Variants in ZC3H13 observed in about 807,000 individuals in gnomAD.
ZC3H13 encodes the protein zinc finger CCCH-type containing 13.
ZC3H13 carries 64 observed loss-of-function variants against 204.1 expected under a neutral mutation model. The observed-to-expected ratio is 0.31, with a 90% CI of 0.26 to 0.39. The LOEUF (loss-of-function observed/expected upper bound fraction) is 0.39. Ranked by LOEUF, ZC3H13 falls within the 10% of genes least tolerant of loss-of-function variation. The pLI is 1.00. For synonymous variants in ZC3H13, 667 were observed against 693.7 expected (o/e 0.96, Z 0.60); for missense variants, 1,833 against 2,082.7 (o/e 0.88, Z 2.33).
At chr13:45,974,068 G>T (rs932329283) in intron 12 of ZC3H13, among the ~76,000 whole-genome samples, 1 of 152,204 alleles carries the variant, frequency 6.6e-6, no homozygotes, top group Admixed American at 6.5e-5. Context: ...ATGAGTTGGA[G>T]GTAAGAGCAA....
intron 1 of ZC3H13, among the ~76,000 whole-genome samples, 153 bp downstream of exon 1, chr13:46,052,250 AG>A (rs1285184362): frequency 6.7e-6 from 1 of 150,220 alleles, no homozygotes; most frequent in South Asian, 2.1e-4. Context: ...GCCTGAGCAC[AG>A]GGGGCTATTG....
At chr13:46,043,790 A>T (rs1253145682) in intron 3 of ZC3H13, among the ~76,000 whole-genome samples, 2 of 152,090 alleles carry the variant, frequency 1.3e-5, no homozygotes, top group East Asian at 3.9e-4. Context: ...ATTTTAGACA[A>T]ATTTCTCTGA....
chr13:46,039,734 T>C (rs1000290231), intron 4 of ZC3H13, among the ~76,000 whole-genome samples: 4 of 152,222 alleles, frequency 2.6e-5, no homozygotes, highest in Non-Finnish European at 5.9e-5. Context: ...TACTCAGAAC[T>C]CATAGTAAAT....
rs1310570699 is a variant in ZC3H13, at chr13:45,957,054, C to T, written c.*73G>A. 1 of 1,257,244 alleles carries T rather than the reference C, an allele frequency of 8.0e-7. No homozygotes were observed. The highest frequency in any genetic ancestry group is 1.5e-5 in the African/African-American group (1 of 64,992). The allele number at this position is 1,257,244 out of a possible 1,614,324, so 77.9% of individuals were successfully genotyped here. A position where few individuals can be genotyped will look rare whatever the true frequency, so the allele number is the denominator to read the frequency against. ...GCCTTTGTCACTAATGCTTGTCAAA[C>T]CAAAGAACTTTGCAAAAGAATATGC... On this transcript the variant is annotated 3_prime_UTR_variant, in exon 19 of 19. Transcript: ENST00000679008.
intron 7 of ZC3H13, 141 bp downstream of exon 7, chr13:46,010,207 C>G: frequency 2.4e-6 from 2 of 834,082 alleles, no homozygotes; most frequent in Non-Finnish European, 3.3e-6. Flanking sequence ...TTAATTGAAA[C>G]ATTTCAAATT....
At position 45,963,905 on chromosome 13, in the gene ZC3H13, C is replaced by A; in HGVS notation, c.4612G>T (p.Ala1538Ser). The A allele has an allele frequency of 1.2e-5, 19 of 1,614,086 alleles. No homozygotes were observed. The highest frequency in any genetic ancestry group is 1.6e-5 in the Non-Finnish European group (19 of 1,180,002). Residue 1538 changes from alanine to serine, a missense_variant, in exon 17 of 19, where the codon GCA becomes TCA. This residue lies in a region of ZC3H13 where 211 missense variants were observed against 228.4 expected (regional missense o/e 0.92). Coordinates refer to ENST00000679008, the MANE Select transcript of ZC3H13 (RefSeq NM_001330564.2). Reference protein sequence around the residue: ...MLRVGISKKLAGSELFAKVKE... With the variant: ...MLRVGISKKLSGSELFAKVKE... ...ACTTTGGCAAAGAGTTCAGAACCTGCCAACTTTTTAGAAATCCCAACTCTT... is the reference window on the plus strand; with the variant it reads ...ACTTTGGCAAAGAGTTCAGAACCTGACAACTTTTTAGAAATCCCAACTCTT...
chr13:46,009,898 A>C (rs1414044450), intron 7 of ZC3H13, among the ~76,000 whole-genome samples: 1 of 152,146 alleles, frequency 6.6e-6, no homozygotes, highest in Non-Finnish European at 1.5e-5. Context: ...TATAATATAA[A>C]TACTAAGATG....
At chr13:45,963,430 T>G in intron 17 of ZC3H13, 1 of 990,502 alleles carries the variant, frequency 1.0e-6, no homozygotes, top group Non-Finnish European at 1.2e-6. Context: ...TAATTTGTTT[T>G]TTTTTTTTTG....
intron 8 of ZC3H13, among the ~76,000 whole-genome samples, chr13:45,995,583 C>G (rs370477245): frequency 1.3e-5 from 2 of 152,342 alleles, no homozygotes; most frequent in South Asian, 4.1e-4. Flanking sequence ...CACCCACACC[C>G]CACATTATTC....
intron 4 of ZC3H13, among the ~76,000 whole-genome samples, chr13:46,022,515 T>A (rs139711174): frequency 1.4e-3 from 212 of 152,116 alleles, no homozygotes; most frequent in African/African-American, 5.0e-3. Context: ...TGTAGCACGG[T>A]CTACTATTCC....
rs1427142993 is a variant in ZC3H13, at chr13:45,969,555, C to CT, written c.2988dup (p.Gly997ArgfsTer8). 6.2e-7 allele frequency: 1 copy of CT among 1,608,652 alleles called. No homozygotes were observed. The highest frequency in any genetic ancestry group is 1.1e-5 in the South Asian group (1 of 89,426). ...TTTTCAATGCTTTTCTTTTTCTGTC[C>CT]TTTTTTTGGTGAAAATACTTGACCA... On this transcript the variant is annotated frameshift_variant, in exon 14 of 19. Coordinates refer to ENST00000679008, the MANE Select transcript of ZC3H13 (RefSeq NM_001330564.2). LOFTEE classifies it high-confidence loss of function.
At chr13:45,998,788 G>A (rs544830315) in intron 8 of ZC3H13, among the ~76,000 whole-genome samples, 1 of 152,334 alleles carries the variant, frequency 6.6e-6, no homozygotes, top group African/African-American at 2.4e-5. Context: ...GCTGTTGACT[G>A]ACGAGGATGA....
chr13:46,017,447 T>C (rs1349523985), intron 5 of ZC3H13, among the ~76,000 whole-genome samples: 1 of 152,138 alleles, frequency 6.6e-6, no homozygotes, highest in African/African-American at 2.4e-5. Context: ...AAGCCAGATA[T>C]TAAAACAATT....
At chr13:45,995,027 A>T (rs1490546406) in intron 8 of ZC3H13, among the ~76,000 whole-genome samples, 1 of 151,820 alleles carries the variant, frequency 6.6e-6, no homozygotes. Context: ...AAAAAAAAAA[A>T]AACGCCACCA....
rs2042169907 is a variant in ZC3H13, at chr13:46,020,681, T to C, written c.340-124A>G. 9.2e-6 allele frequency: 6 copies of C among 652,436 alleles called. No individual in the cohort carries two copies. In the East Asian group the frequency reaches 1.5e-4, roughly 16 times the overall value. 40.4% of individuals were successfully genotyped at this position (652,436 alleles called of 1,614,324 possible). On this transcript the variant is annotated intron_variant, in intron 4 of 18. Coordinates refer to ENST00000679008, the MANE Select transcript of ZC3H13 (RefSeq NM_001330564.2). ...TTCATCAAAGAATCAGTTTTGTAAA[T>C]AGTCACTTATCCACTAAGTAGAGAA... is the stretch of plus-strand genomic sequence containing the variant.
intron 5 of ZC3H13, among the ~76,000 whole-genome samples, chr13:46,017,966 T>C (rs1052441421): frequency 6.6e-6 from 1 of 152,072 alleles, no homozygotes; most frequent in Non-Finnish European, 1.5e-5. Flanking sequence ...GAATTTCCTA[T>C]ATAAAAGGCT....
intron 1 of ZC3H13, among the ~76,000 whole-genome samples, chr13:46,046,121 C>A (rs1333262125): frequency 6.6e-6 from 1 of 151,852 alleles, no homozygotes; most frequent in Non-Finnish European, 1.5e-5. Flanking sequence ...TCCAGTAACA[C>A]AAAAACAAAA....
At chr13:46,029,652 TCTC>T (rs1312757946) in intron 4 of ZC3H13, among the ~76,000 whole-genome samples, 1 of 151,672 alleles carries the variant, frequency 6.6e-6, no homozygotes, top group East Asian at 1.9e-4. Flanking sequence ...ATGGTCTCGA[TCTC>T]CTGACCTCGT....
intron 10 of ZC3H13, among the ~76,000 whole-genome samples, chr13:45,980,929 T>C (rs1953528504): frequency 6.6e-6 from 1 of 152,218 alleles, no homozygotes; most frequent in South Asian, 2.1e-4. Flanking sequence ...CTCTATGGAT[T>C]GTACCAATGT....
Sources: allele counts gnomAD v4.1 joint callset (sites outside exome capture counted in the v4.1 genomes callset), GRCh38; gene constraint gnomAD v4.1.1; regional missense constraint gnomAD v4.1.1; transcripts MANE v1.5; gene names NCBI Gene and HGNC (gene_info 2026-07-23, HGNC 2026-07-21).